Variants in ROCK1 observed in about 807,000 individuals in gnomAD.
ROCK1 encodes Rho associated coiled-coil containing protein kinase 1.
A neutral mutation model predicts 196.8 loss-of-function variants in ROCK1; 36 were observed. That is an observed-to-expected ratio of 0.18 (90% CI 0.14 to 0.24). The LOEUF (loss-of-function observed/expected upper bound fraction) is 0.24, where lower values mean the gene tolerates loss of function less well. ROCK1 is among the 10% of genes least tolerant of loss of function. The pLI, the probability that ROCK1 is intolerant of heterozygous loss-of-function variation, is 1.00. For synonymous variants in ROCK1, 443 were observed against 515.9 expected, an observed-to-expected ratio of 0.86 and a Z score of 1.91; for missense variants, 920 against 1,562.0, an observed-to-expected ratio of 0.59 and a Z score of 6.93.
intron 4 of ROCK1, 123 bp downstream of exon 4, chr18:21,048,969 A>T: frequency 1.3e-6 from 1 of 741,298 alleles, no homozygotes; most frequent in Non-Finnish European, 1.9e-6. Context: ...TTTAAAAGGT[A>T]ATTAGACAAT....
chr18:20,999,343 T>C (rs1293644679), intron 16 of ROCK1, among the ~76,000 whole-genome samples: 1 of 141,352 alleles, frequency 7.1e-6, no homozygotes, highest in East Asian at 2.1e-4. Flanking sequence ...AAGAAGAAAA[T>C]GCACATTAAG....
intron 1 of ROCK1, among the ~76,000 whole-genome samples, chr18:21,101,046 T>C (rs1250354606): frequency 6.6e-6 from 1 of 152,164 alleles, no homozygotes; most frequent in Non-Finnish European, 1.5e-5. Flanking sequence ...TCATAATAAG[T>C]CTCCAAAATA....
chr18:21,107,947 G>A (rs1412495234), intron 1 of ROCK1, among the ~76,000 whole-genome samples: 2 of 152,042 alleles, frequency 1.3e-5, no homozygotes, highest in East Asian at 3.9e-4. Context: ...CCAACTACTC[G>A]TGGGGGCTGA....
intron 1 of ROCK1, among the ~76,000 whole-genome samples, chr18:21,099,655 G>C (rs1376825094): frequency 1.3e-5 from 2 of 152,158 alleles, no homozygotes; most frequent in Non-Finnish European, 2.9e-5. Context: ...TGAAGTGAGA[G>C]AATCGCTTGA....
chr18:21,056,385 A>G (rs977285792), intron 2 of ROCK1, among the ~76,000 whole-genome samples: 4 of 152,186 alleles, frequency 2.6e-5, no homozygotes, highest in Non-Finnish European at 2.9e-5. Context: ...CGATGGCTCA[A>G]TTTTGCTCAG....
chr18:20,997,049 A>G (rs1270772042), intron 16 of ROCK1, among the ~76,000 whole-genome samples: 2 of 152,210 alleles, frequency 1.3e-5, no homozygotes, highest in Non-Finnish European at 2.9e-5. Context: ...AGAGAAGACC[A>G]CAAAACAATC....
intron 18 of ROCK1, among the ~76,000 whole-genome samples, chr18:20,989,320 G>C (rs2035603383): frequency 1.3e-5 from 2 of 152,112 alleles, no homozygotes; most frequent in Non-Finnish European, 2.9e-5. Flanking sequence ...CAAAGCCTTA[G>C]CTCATAAAGA....
intron 1 of ROCK1, among the ~76,000 whole-genome samples, chr18:21,080,979 C>T (rs1436084474): frequency 2.0e-5 from 3 of 151,928 alleles, no homozygotes; most frequent in African/African-American, 7.3e-5. Flanking sequence ...AATAAAAAAA[C>T]AGAGGACATG....
At chr18:21,045,890 G>C (rs1402589026) in intron 4 of ROCK1, among the ~76,000 whole-genome samples, 1 of 124,858 alleles carries the variant, frequency 8.0e-6, no homozygotes, top group East Asian at 2.6e-4. Context: ...TTGGCTTACA[G>C]TTTCAGCTGT....
intron 1 of ROCK1, among the ~76,000 whole-genome samples, chr18:21,085,015 G>A (rs2036514308): frequency 6.6e-6 from 1 of 152,172 alleles, no homozygotes; most frequent in Non-Finnish European, 1.5e-5. Flanking sequence ...AATATTGTAT[G>A]ATTCCACTTA....
At chr18:21,033,289 A>G (rs1257468302) in intron 9 of ROCK1, among the ~76,000 whole-genome samples, 2 of 152,206 alleles carry the variant, frequency 1.3e-5, no homozygotes, top group Non-Finnish European at 2.9e-5. Flanking sequence ...ACACCCCTTC[A>G]TGATTGAAAA....
intron 1 of ROCK1, among the ~76,000 whole-genome samples, chr18:21,093,914 C>T (rs1408714079): frequency 2.6e-5 from 4 of 151,108 alleles, no homozygotes; most frequent in Non-Finnish European, 5.9e-5. Flanking sequence ...CGAGATCATG[C>T]CACTGCACTC....
At position 20,948,310 on chromosome 18, in the gene ROCK1, A is replaced by C. The variant is rs1395968095; in HGVS notation, c.*3074T>G. On this transcript the variant is annotated 3_prime_UTR_variant, in exon 33 of 33. Transcript: ENST00000399799. Reference sequence around the variant, plus strand: ...CTGAATTACGATGCAGGAAAGAAGTATTTTCAATGAATACTGCAGTATCAA... The same window carrying C: ...CTGAATTACGATGCAGGAAAGAAGTCTTTTCAATGAATACTGCAGTATCAA... 3 of 152,066 alleles carry C rather than the reference A, an allele frequency of 2.0e-5. No individual in the cohort carries two copies. The highest frequency in any genetic ancestry group is 4.4e-5 in the Non-Finnish European group (3 of 68,044). 9.4% of individuals were successfully genotyped at this position (152,066 alleles called of 1,614,324 possible).
chr18:21,036,378 A>G (rs2036057258), intron 9 of ROCK1, among the ~76,000 whole-genome samples: 1 of 152,232 alleles, frequency 6.6e-6, no homozygotes, highest in Non-Finnish European at 1.5e-5. Context: ...TAACACCAAT[A>G]TCTTATTTCA....
intron 18 of ROCK1, among the ~76,000 whole-genome samples, chr18:20,990,636 T>C (rs1417651168): frequency 7.0e-5 from 9 of 128,712 alleles, no homozygotes; most frequent in East Asian, 2.3e-4. Flanking sequence ...GAGACTGCAT[T>C]GAGCCAAGAT....
intron 1 of ROCK1, among the ~76,000 whole-genome samples, chr18:21,104,671 C>T (rs781771002): frequency 2.0e-5 from 3 of 152,158 alleles, no homozygotes; most frequent in Non-Finnish European, 4.4e-5. Context: ...CCACAGGGTG[C>T]CTGTAGTGCA....
At chr18:21,052,117 A>T (rs2036208541) in intron 2 of ROCK1, among the ~76,000 whole-genome samples, 1 of 152,226 alleles carries the variant, frequency 6.6e-6, no homozygotes, top group Non-Finnish European at 1.5e-5. Context: ...AAGACCGCAG[A>T]CAAGTCATTT....
At chr18:21,088,100 A>G (rs1376713683) in intron 1 of ROCK1, among the ~76,000 whole-genome samples, 9 of 152,264 alleles carry the variant, frequency 5.9e-5, no homozygotes, top group Non-Finnish European at 8.8e-5. Flanking sequence ...AAATAAAAAT[A>G]TACATTGAAC....
chr18:20,949,159 T>C lies in ROCK1; in HGVS notation c.*2225A>G, dbSNP rs113200881. The C allele has an allele frequency of 1.4e-4, 22 of 152,204 alleles. No individual in the cohort carries two copies. Among genetic ancestry groups the C allele is most frequent in the Admixed American group, 1.4e-3 (22 of 15,274 alleles). The allele number at this position is 152,204 out of a possible 1,614,324, so 9.4% of individuals were successfully genotyped here. A position where few individuals can be genotyped will look rare whatever the true frequency, so the allele number is the denominator to read the frequency against. On this transcript the variant is annotated 3_prime_UTR_variant, in exon 33 of 33. Transcript: ENST00000399799. Reference sequence around the variant, plus strand: ...AGATTAGTATGTCATTTGGAAAGTCTTCTCTTGCTTAAACTAATTAGAATT... The same window carrying C: ...AGATTAGTATGTCATTTGGAAAGTCCTCTCTTGCTTAAACTAATTAGAATT...
Sources: gnomAD v4.1 joint callset for allele counts (sites outside exome capture counted in the v4.1 genomes callset) on GRCh38, gnomAD v4.1.1 for gene constraint, MANE v1.5 for transcripts, NCBI Gene and HGNC (gene_info 2026-07-23, HGNC 2026-07-21) for gene names.